NCAM2: variants seen among roughly 807,000 people sequenced by gnomAD.
NCAM2 encodes the protein N-CAM-2.
In NCAM2, 30 loss-of-function variants were observed where a neutral mutation model predicts 98.1. The ratio of observed to expected loss-of-function variants is 0.31; its 90% CI spans 0.23 to 0.41. The LOEUF is 0.41. NCAM2 is among the 10% of genes least tolerant of loss of function. The probability of loss-of-function intolerance (pLI) is 1.00; values close to 1 mark genes in which losing one functional copy is unlikely to be tolerated. For missense variants in NCAM2, 867 were observed against 1,005.8 expected (o/e 0.86, Z 1.87); for synonymous variants, 368 against 342.4 (o/e 1.07, Z -0.83).
At chr21:21,157,051 A>AT (rs35519695) in intron 1 of NCAM2, among the ~76,000 whole-genome samples, 49,399 of 151,024 alleles carry the variant, frequency 0.33, 9,209 homozygotes, top group Non-Finnish European at 0.44. Context: ...ATTCCTACAG[A>AT]TTTTTTTTTC....
At chr21:21,529,643 C>A (rs1042615929) in intron 16 of NCAM2, among the ~76,000 whole-genome samples, 1 of 151,854 alleles carries the variant, frequency 6.6e-6, no homozygotes, top group Admixed American at 6.6e-5. Flanking sequence ...TACATTCTGG[C>A]AGGGTGTGCT....
At chr21:21,044,201 G>A (rs1295689518) in intron 1 of NCAM2, among the ~76,000 whole-genome samples, 1 of 152,144 alleles carries the variant, frequency 6.6e-6, no homozygotes, top group East Asian at 1.9e-4. Flanking sequence ...TCTTATTGCA[G>A]GTTTGTGTTC....
At chr21:21,324,594 C>T in intron 6 of NCAM2, 94 bp downstream of exon 6, 2 of 910,866 alleles carry the variant, frequency 2.2e-6, no homozygotes, top group Non-Finnish European at 3.4e-6. Flanking sequence ...AAAAGCAAAC[C>T]ATTGCATTTT....
chr21:21,385,534 G>A (rs1401209702), intron 9 of NCAM2: 2 of 662,926 alleles, frequency 3.0e-6, no homozygotes, highest in African/African-American at 3.7e-5. Context: ...CGCATTTACT[G>A]TAATAGCACT....
intron 5 of NCAM2, among the ~76,000 whole-genome samples, chr21:21,313,083 T>A (rs2147731740): frequency 6.6e-6 from 1 of 152,072 alleles, no homozygotes; most frequent in South Asian, 2.1e-4. Context: ...CTTCTTTCAA[T>A]CCTGATATTG....
intron 1 of NCAM2, among the ~76,000 whole-genome samples, chr21:21,277,138 A>G (rs1162732886): frequency 6.6e-6 from 1 of 152,098 alleles, no homozygotes; most frequent in Non-Finnish European, 1.5e-5. Context: ...TAGATTCCTG[A>G]TATCCTTAAA....
At chr21:21,269,970 A>G (rs2072432242) in intron 1 of NCAM2, among the ~76,000 whole-genome samples, 1 of 152,188 alleles carries the variant, frequency 6.6e-6, no homozygotes, top group African/African-American at 2.4e-5. Context: ...AGGTTTCTAC[A>G]CAAGGTTTAT....
intron 1 of NCAM2, among the ~76,000 whole-genome samples, chr21:21,262,600 T>A (rs1444483660): frequency 7.3e-6 from 1 of 136,832 alleles, no homozygotes; most frequent in Non-Finnish European, 1.5e-5. Context: ...AAACAGAATA[T>A]CCTCTCTCAC....
chr21:21,188,484 G>A (rs1049659040), intron 1 of NCAM2, among the ~76,000 whole-genome samples: 5 of 152,150 alleles, frequency 3.3e-5, no homozygotes, highest in African/African-American at 7.2e-5. Context: ...CTAGCTATGG[G>A]TTAAAATAGC....
intron 1 of NCAM2, among the ~76,000 whole-genome samples, chr21:21,071,882 T>TCTAC (rs1308563567): frequency 7.4e-6 from 1 of 134,818 alleles, no homozygotes; most frequent in Non-Finnish European, 1.6e-5. Flanking sequence ...TATCTATCTA[T>TCTAC]CTATCTATCT....
At chr21:21,130,167 G>A (rs1400330138) in intron 1 of NCAM2, among the ~76,000 whole-genome samples, 1 of 152,014 alleles carries the variant, frequency 6.6e-6, no homozygotes, top group Non-Finnish European at 1.5e-5. Flanking sequence ...ATAAAATTTT[G>A]TGTGAAATGT....
intron 1 of NCAM2, among the ~76,000 whole-genome samples, chr21:21,164,992 G>T (rs568293817): frequency 1.5e-4 from 23 of 152,204 alleles, no homozygotes; most frequent in African/African-American, 5.1e-4. Flanking sequence ...ATGCACTGTT[G>T]TATTTAATTC....
intron 1 of NCAM2, among the ~76,000 whole-genome samples, chr21:21,039,746 A>G (rs1207848938): frequency 3.3e-5 from 5 of 152,196 alleles, no homozygotes; most frequent in Non-Finnish European, 7.3e-5. Context: ...TGCCGTAGAC[A>G]TATGCAAATC....
chr21:21,092,891 A>C (rs567568001), intron 1 of NCAM2, among the ~76,000 whole-genome samples: 2 of 152,074 alleles, frequency 1.3e-5, no homozygotes, highest in East Asian at 3.8e-4. Context: ...ATTAATAATT[A>C]TACAAAATAT....
chr21:21,346,854 A>G (rs1360044115), intron 8 of NCAM2, among the ~76,000 whole-genome samples: 1 of 151,956 alleles, frequency 6.6e-6, no homozygotes. Context: ...AAATACAAAA[A>G]CCTATGGGAT....
At chr21:21,049,727 C>T (rs1379983305) in intron 1 of NCAM2, among the ~76,000 whole-genome samples, 1 of 151,982 alleles carries the variant, frequency 6.6e-6, no homozygotes, top group African/African-American at 2.4e-5. Context: ...CAAAATTAGC[C>T]AGTCATGGTG....
At chr21:21,059,561 T>C (rs1430221015) in intron 1 of NCAM2, among the ~76,000 whole-genome samples, 1 of 152,112 alleles carries the variant, frequency 6.6e-6, no homozygotes, top group African/African-American at 2.4e-5. Context: ...AATATAATAG[T>C]TTCTTGTACA....
chr21:21,167,662 C>T (rs1405428622), intron 1 of NCAM2, among the ~76,000 whole-genome samples: 1 of 152,050 alleles, frequency 6.6e-6, no homozygotes, highest in Non-Finnish European at 1.5e-5. Flanking sequence ...ATCTTATGGA[C>T]ATTAAAATCA....
intron 8 of NCAM2, among the ~76,000 whole-genome samples, chr21:21,346,581 A>G (rs2075195175): frequency 6.6e-6 from 1 of 152,066 alleles, no homozygotes; most frequent in Non-Finnish European, 1.5e-5. Context: ...CAGAATACAC[A>G]TTCTTTTCCT....
Sources: gnomAD v4.1 joint callset for allele counts (sites outside exome capture counted in the v4.1 genomes callset) on GRCh38, gnomAD v4.1.1 for gene constraint, MANE v1.5 for transcripts, NCBI Gene and HGNC (gene_info 2026-07-23, HGNC 2026-07-21) for gene names.